The following ADAMTSL1 variants were observed in gnomAD, a reference collection of about 807,000 sequenced individuals.
The protein encoded by ADAMTSL1 is ADAMTS like 1.
A neutral mutation model predicts 201.8 loss-of-function variants in ADAMTSL1; 126 were observed. The observed-to-expected ratio is 0.62, with a 90% CI of 0.54 to 0.72. The LOEUF (loss-of-function observed/expected upper bound fraction) is 0.72. Among genes scored for constraint, ADAMTSL1 ranks in the 30% least tolerant of loss-of-function variants. The pLI is 0.00. For missense variants in ADAMTSL1, 2,679 were observed against 2,277.8 expected, an observed-to-expected ratio of 1.18 and a Z score of -3.59; for synonymous variants, 1,121 against 903.4, an observed-to-expected ratio of 1.24 and a Z score of -4.32.
chr9:18,702,231 AT>A (rs1831965773), intron 13 of ADAMTSL1, among the ~76,000 whole-genome samples: 1 of 152,188 alleles, frequency 6.6e-6, no homozygotes. Flanking sequence ...ACAAGATGAG[AT>A]TTGGGTAGGA....
At chr9:18,663,099 T>G (rs1330547445) in intron 9 of ADAMTSL1, among the ~76,000 whole-genome samples, 1 of 152,188 alleles carries the variant, frequency 6.6e-6, no homozygotes, top group Non-Finnish European at 1.5e-5. Flanking sequence ...CATTCTATTT[T>G]GAGGTGATAA....
At chr9:18,577,837 A>G (rs916771378) in intron 4 of ADAMTSL1, among the ~76,000 whole-genome samples, 1 of 152,088 alleles carries the variant, frequency 6.6e-6, no homozygotes, top group Non-Finnish European at 1.5e-5. Context: ...ACAAAAAGAG[A>G]CCTTCTACCA....
At chr9:18,648,530 T>C (rs926219449) in intron 7 of ADAMTSL1, among the ~76,000 whole-genome samples, 5 of 151,430 alleles carry the variant, frequency 3.3e-5, no homozygotes, top group Non-Finnish European at 5.9e-5. Context: ...TGGTACCGGT[T>C]GTTCCTTTCC....
rs72697455 is a variant in ADAMTSL1, at chr9:18,011,120, C to A, written c.87+104198C>A. Among the ~76,000 whole-genome samples, 2,394 of 151,988 alleles carry A rather than the reference C, an allele frequency of 0.016. 221 individuals carry two copies. In the East Asian group the frequency reaches 0.28, roughly 18 times the overall value. ...AACCTCAGAAAATGACATGAAGGTG[C>A]TGAACTTTTCTCAGGAGTTTATAGC... On this transcript the variant is annotated intron_variant, in intron 1 of 29. Coordinates refer to the ADAMTSL1 transcript ENST00000680146.
intron 7 of ADAMTSL1, among the ~76,000 whole-genome samples, chr9:18,641,765 TC>T (rs1827455025): frequency 1.3e-5 from 2 of 152,112 alleles, no homozygotes; most frequent in South Asian, 4.1e-4. Context: ...CTAATTTTCC[TC>T]AGAGAAATAG....
At chr9:18,147,339 C>A (rs1826690010) in intron 1 of ADAMTSL1, among the ~76,000 whole-genome samples, 1 of 151,912 alleles carries the variant, frequency 6.6e-6, no homozygotes, top group African/African-American at 2.4e-5. Flanking sequence ...TTTAGTTAAT[C>A]AGGAAAAAAG....
At chr9:17,984,329 GCTGA>G (rs1469825707) in intron 1 of ADAMTSL1, among the ~76,000 whole-genome samples, 1 of 151,902 alleles carries the variant, frequency 6.6e-6, no homozygotes, top group Non-Finnish European at 1.5e-5. Context: ...TGACTAGCTG[GCTGA>G]CTAATTTATC....
chr9:18,474,969 G>T (rs528153033), intron 1 of ADAMTSL1, among the ~76,000 whole-genome samples: 1 of 152,164 alleles, frequency 6.6e-6, no homozygotes, highest in Admixed American at 6.5e-5. Flanking sequence ...GCTCTTGAAC[G>T]TCAGTACACA....
intron 7 of ADAMTSL1, among the ~76,000 whole-genome samples, chr9:18,642,615 C>G (rs1827521253): frequency 6.6e-6 from 1 of 151,942 alleles, no homozygotes; most frequent in East Asian, 1.9e-4. Context: ...AGCCAATATT[C>G]TACTCTGTGT....
chr9:18,014,964 C>A (rs911604551), intron 1 of ADAMTSL1, among the ~76,000 whole-genome samples: 1 of 152,018 alleles, frequency 6.6e-6, no homozygotes, highest in African/African-American at 2.4e-5. Flanking sequence ...AAGTTAATCT[C>A]GGCTGTAGAC....
rs151165159 is a variant in ADAMTSL1 at position 18,206,897 on chromosome 9, C to G, written c.207+42916C>G. On this transcript the variant is annotated intron_variant, in intron 2 of 29. Coordinates refer to the ADAMTSL1 transcript ENST00000680146. Reference sequence around the variant, plus strand: ...AAGTGGAGTGGGCTTGGCACGGTGGCTCACATCTGCTAATCCCAGCACTTT... The same window carrying G: ...AAGTGGAGTGGGCTTGGCACGGTGGGTCACATCTGCTAATCCCAGCACTTT... Among the ~76,000 whole-genome samples the G allele has an allele frequency of 5.0e-3, 754 of 152,194 alleles. 5 individuals are homozygous for G. The highest frequency in any genetic ancestry group is 0.017 in the African/African-American group (706 of 41,528).
At chr9:18,877,965 T>G (rs1375462625) in intron 23 of ADAMTSL1, among the ~76,000 whole-genome samples, 1 of 152,106 alleles carries the variant, frequency 6.6e-6, no homozygotes, top group African/African-American at 2.4e-5. Flanking sequence ...CTATAGGGGA[T>G]TGGGTGTAGT....
chr9:18,814,223 T>G (rs1463718855), intron 20 of ADAMTSL1, among the ~76,000 whole-genome samples: 1 of 152,236 alleles, frequency 6.6e-6, no homozygotes, highest in African/African-American at 2.4e-5. Flanking sequence ...CATCCTTGTG[T>G]CTGTAGGATG....
intron 2 of ADAMTSL1, among the ~76,000 whole-genome samples, chr9:18,467,483 C>A (rs1821051500): frequency 6.6e-6 from 1 of 152,016 alleles, no homozygotes; most frequent in Non-Finnish European, 1.5e-5. Flanking sequence ...ATGGGAAAGA[C>A]TTTTTTCCAA....
Position 18,055,511 on chromosome 9 carries a change from A to C in ADAMTSL1, c.88-108351A>C, listed in dbSNP as rs75492572. On this transcript the variant is annotated intron_variant, in intron 1 of 29. Coordinates refer to the ADAMTSL1 transcript ENST00000680146. ...AACTATAAATAAGCCCCTAAGATCT[A>C]CTTGAATGTCAATACATTAAATGCT... Among the ~76,000 whole-genome samples, 1,287 of 152,352 alleles carry C rather than the reference A, an allele frequency of 8.4e-3. 7 individuals carry two copies. Among genetic ancestry groups the C allele is most frequent in the Middle Eastern group, 0.037 (11 of 294 alleles).
chr9:18,491,567 T>C (rs903090048), intron 1 of ADAMTSL1, among the ~76,000 whole-genome samples: 1 of 152,186 alleles, frequency 6.6e-6, no homozygotes. Context: ...TCATGTCATG[T>C]TTCATGTACT....
At chr9:18,260,078 C>G (rs1029818534) in intron 2 of ADAMTSL1, among the ~76,000 whole-genome samples, 1 of 152,182 alleles carries the variant, frequency 6.6e-6, no homozygotes, top group African/African-American at 2.4e-5. Flanking sequence ...TCAGCCAGCT[C>G]AGGGCAAATC....
intron 2 of ADAMTSL1, among the ~76,000 whole-genome samples, chr9:18,387,393 G>A (rs150861056): frequency 2.0e-5 from 3 of 151,462 alleles, no homozygotes; most frequent in African/African-American, 4.9e-5. Flanking sequence ...TTCCTCCTAT[G>A]CAGCCTTGCT....
chr9:18,252,776 A>G (rs1378271016), intron 2 of ADAMTSL1, among the ~76,000 whole-genome samples: 2 of 152,204 alleles, frequency 1.3e-5, no homozygotes, highest in African/African-American at 4.8e-5. Flanking sequence ...GGAAATGAGC[A>G]TCTTAAATGT....
Sources: gnomAD v4.1 joint callset for allele counts (sites outside exome capture counted in the v4.1 genomes callset) on GRCh38, gnomAD v4.1.1 for gene constraint, MANE v1.5 for transcripts, NCBI Gene and HGNC (gene_info 2026-07-23, HGNC 2026-07-21) for gene names.